CNTN3: variants seen among roughly 807,000 people sequenced by gnomAD.
CNTN3 encodes the protein contactin-3.
A neutral mutation model predicts 119.1 loss-of-function variants in CNTN3; 60 were observed. The ratio of observed to expected loss-of-function variants is 0.50; its 90% CI spans 0.41 to 0.62. CNTN3 has a LOEUF of 0.62. Ranked by LOEUF, CNTN3 falls within the 20% of genes least tolerant of loss-of-function variation. The pLI, the probability that CNTN3 is intolerant of heterozygous loss-of-function variation, is 0.00. For missense variants in CNTN3, 1,101 were observed against 1,242.4 expected (o/e 0.89, Z 1.71); for synonymous variants, 450 against 438.7 (o/e 1.03, Z -0.32).
chr3:74,453,611 G>T (rs1049954195), intron 4 of CNTN3, among the ~76,000 whole-genome samples: 1 of 151,044 alleles, frequency 6.6e-6, no homozygotes, highest in Non-Finnish European at 1.5e-5. Context: ...TGATGTTAGG[G>T]TGTCAATTTT....
intron 4 of CNTN3, among the ~76,000 whole-genome samples, chr3:74,475,147 C>T (rs953551357): frequency 1.3e-5 from 2 of 151,908 alleles, no homozygotes; most frequent in African/African-American, 2.4e-5. Context: ...GACCCTAATA[C>T]TCCTTATTGC....
chr3:74,559,425 G>A (rs1468806870), intron 1 of CNTN3, among the ~76,000 whole-genome samples: 2 of 152,128 alleles, frequency 1.3e-5, no homozygotes, highest in Non-Finnish European at 2.9e-5. Flanking sequence ...CCGCTCCCCA[G>A]CAGCTCAGAG....
rs753956155 is a variant in CNTN3, at chr3:74,266,568, T to A, written c.2899A>T (p.Lys967Ter). 5 of 1,613,542 alleles carry A rather than the reference T, an allele frequency of 3.1e-6. No homozygotes were observed. Among genetic ancestry groups the A allele is most frequent in the Non-Finnish European group, 8.5e-7 (1 of 1,179,636 alleles). Reference sequence around the variant, plus strand: ...TTGACTTCAATAATGTAGTCCTCTTTAATGGGCAGCACAAGTTCAGCTGAA... The same window carrying A: ...TTGACTTCAATAATGTAGTCCTCTTAAATGGGCAGCACAAGTTCAGCTGAA... Reference protein sequence around the residue: ...KTSAELVLPIKEDYIIEVKAT... With the variant: ...KTSAELVLPI Residue 967 changes from lysine (K) to a stop codon, truncating the protein, a stop_gained, in exon 22 of 23, where the codon AAA (lysine) becomes TAA (stop). Transcript: ENST00000263665. LOFTEE classifies it high-confidence loss of function.
At chr3:74,521,704 G>A (rs1703546150) in intron 1 of CNTN3, among the ~76,000 whole-genome samples, 1 of 151,896 alleles carries the variant, frequency 6.6e-6, no homozygotes, top group East Asian at 1.9e-4. Context: ...TGTATGCTGT[G>A]TAAAACAGAT....
intron 11 of CNTN3, among the ~76,000 whole-genome samples, chr3:74,356,051 G>C (rs1190242366): frequency 1.3e-5 from 2 of 151,920 alleles, no homozygotes; most frequent in African/African-American, 4.8e-5. Context: ...ATAAAGAAGG[G>C]GGGCCTTTGG....
At chr3:74,430,786 A>G (rs1259350351) in intron 4 of CNTN3, among the ~76,000 whole-genome samples, 1 of 152,204 alleles carries the variant, frequency 6.6e-6, no homozygotes, top group Non-Finnish European at 1.5e-5. Context: ...ATGAGTATGT[A>G]TAAACCAGGG....
At chr3:74,567,923 G>A (rs138804990) in intron 1 of CNTN3, among the ~76,000 whole-genome samples, 68 of 152,240 alleles carry the variant, frequency 4.5e-4, no homozygotes, top group African/African-American at 1.3e-3. Flanking sequence ...GAAAATGTGC[G>A]TTAGCAAGAT....
chr3:74,597,275 C>T (rs1215415991), intron 1 of CNTN3, among the ~76,000 whole-genome samples: 6 of 151,972 alleles, frequency 3.9e-5, no homozygotes, highest in Non-Finnish European at 8.8e-5. Flanking sequence ...ATAATGATTT[C>T]GTTAGCTATT....
chr3:74,440,324 A>G (rs962209990), intron 4 of CNTN3, among the ~76,000 whole-genome samples: 3 of 152,018 alleles, frequency 2.0e-5, no homozygotes, highest in Non-Finnish European at 4.4e-5. Context: ...AAGAGATCTC[A>G]CTCTCTTATA....
At chr3:74,568,056 T>A (rs1704254130) in intron 1 of CNTN3, among the ~76,000 whole-genome samples, 1 of 152,122 alleles carries the variant, frequency 6.6e-6, no homozygotes, top group Non-Finnish European at 1.5e-5. Context: ...TAGAAAGAAA[T>A]TTCTAAGCAT....
intron 4 of CNTN3, among the ~76,000 whole-genome samples, chr3:74,435,167 G>A (rs1202873095): frequency 6.6e-6 from 1 of 152,000 alleles, no homozygotes; most frequent in Non-Finnish European, 1.5e-5. Flanking sequence ...AATTTTACTG[G>A]AACGATTTAA....
At chr3:74,315,617 T>C (rs1575719403) in intron 13 of CNTN3, among the ~76,000 whole-genome samples, 1 of 152,268 alleles carries the variant, frequency 6.6e-6, no homozygotes, top group East Asian at 1.9e-4. Flanking sequence ...AGAATTAAAC[T>C]AAAAATCAAT....
At chr3:74,440,862 A>C (rs913941873) in intron 4 of CNTN3, among the ~76,000 whole-genome samples, 2 of 152,176 alleles carry the variant, frequency 1.3e-5, no homozygotes, top group African/African-American at 4.8e-5. Context: ...TATTATAAGT[A>C]ATGTAGAAAT....
chr3:74,521,693 A>G (rs1486577430), intron 1 of CNTN3, among the ~76,000 whole-genome samples: 2 of 151,830 alleles, frequency 1.3e-5, no homozygotes, highest in Admixed American at 1.3e-4. Context: ...GCTCCCAATT[A>G]TGTATGCTGT....
chr3:74,546,154 C>T (rs1473031443), intron 1 of CNTN3, among the ~76,000 whole-genome samples: 1 of 152,034 alleles, frequency 6.6e-6, no homozygotes, highest in Non-Finnish European at 1.5e-5. Context: ...CGCCAGTATG[C>T]CCGGCTAATT....
At chr3:74,483,129 AT>A (rs1299684081) in intron 4 of CNTN3, among the ~76,000 whole-genome samples, 1 of 152,150 alleles carries the variant, frequency 6.6e-6, no homozygotes, top group Non-Finnish European at 1.5e-5. Context: ...AACAAAAAAT[AT>A]AATTTCACTG....
At chr3:74,398,444 T>C (rs1705110651) in intron 5 of CNTN3, among the ~76,000 whole-genome samples, 1 of 152,228 alleles carries the variant, frequency 6.6e-6, no homozygotes, top group Non-Finnish European at 1.5e-5. Context: ...GGTATGTACA[T>C]TGTTTTTTAG....
intron 4 of CNTN3, among the ~76,000 whole-genome samples, chr3:74,434,517 C>T (rs766189716): frequency 1.3e-5 from 2 of 152,168 alleles, no homozygotes; most frequent in Non-Finnish European, 2.9e-5. Flanking sequence ...GGTCCATGAA[C>T]ATCTGTTTCC....
intron 5 of CNTN3, among the ~76,000 whole-genome samples, chr3:74,373,550 C>G (rs59036938): frequency 0.047 from 7,148 of 152,168 alleles, 582 homozygotes; most frequent in African/African-American, 0.16. Flanking sequence ...AGAACTCTGA[C>G]TCAGAGTCAG....
Sources: allele counts gnomAD v4.1 joint callset (sites outside exome capture counted in the v4.1 genomes callset), GRCh38; gene constraint gnomAD v4.1.1; transcripts MANE v1.5; gene names NCBI Gene and HGNC (gene_info 2026-07-23, HGNC 2026-07-21).